The following VPS13B variants were observed in gnomAD, a reference collection of about 807,000 sequenced individuals.
The protein encoded by VPS13B is vacuolar protein sorting 13 homolog B.
VPS13B carries 285 observed loss-of-function variants against 426.4 expected under a neutral mutation model. The ratio of observed to expected loss-of-function variants is 0.67; its 90% CI spans 0.61 to 0.74. The LOEUF is 0.74. Ranked by LOEUF, VPS13B falls within the 30% of genes least tolerant of loss-of-function variation. VPS13B has a pLI of 0.00. For synonymous variants in VPS13B, 1,676 were observed against 1,676.4 expected (o/e 1.00, Z 0.01); for missense variants, 4,537 against 4,782.6 (o/e 0.95, Z 1.51).
intron 33 of VPS13B, among the ~76,000 whole-genome samples, chr8:99,586,019 C>T (rs1009632741): frequency 2.6e-5 from 4 of 152,168 alleles, no homozygotes; most frequent in African/African-American, 7.2e-5. Context: ...TACTTAGCCT[C>T]CTGCTGCCCT....
intron 42 of VPS13B, among the ~76,000 whole-genome samples, chr8:99,783,555 T>C (rs796977467): frequency 6.6e-6 from 1 of 152,188 alleles, no homozygotes; most frequent in South Asian, 2.1e-4. Flanking sequence ...GGAGGCACCA[T>C]TAAATGAGAA....
At chr8:99,473,160 C>G (rs753941497) in intron 24 of VPS13B, among the ~76,000 whole-genome samples, 1 of 151,960 alleles carries the variant, frequency 6.6e-6, no homozygotes, top group African/African-American at 2.4e-5. Flanking sequence ...TTTTATGAAG[C>G]TAGCATAACT....
chr8:99,035,863 C>T (rs945895623), intron 2 of VPS13B, among the ~76,000 whole-genome samples: 6 of 152,074 alleles, frequency 3.9e-5, no homozygotes, highest in Admixed American at 2.0e-4. Flanking sequence ...TGAGAGATAT[C>T]TCATTGTGGT....
intron 17 of VPS13B, among the ~76,000 whole-genome samples, chr8:99,206,102 C>G (rs60932963): frequency 0.02 from 3,067 of 152,020 alleles, 113 homozygotes; most frequent in African/African-American, 0.07. Context: ...TGTCTTTTTG[C>G]GAGAAGATTA....
At chr8:99,432,100 ATTG>A (rs1817145923) in intron 22 of VPS13B, among the ~76,000 whole-genome samples, 1 of 152,000 alleles carries the variant, frequency 6.6e-6, no homozygotes, top group Admixed American at 6.6e-5. Context: ...CTATTTCCTT[ATTG>A]TTATTTTCCT....
chr8:99,053,311 C>T (rs865827853), intron 3 of VPS13B, among the ~76,000 whole-genome samples: 8 of 152,158 alleles, frequency 5.3e-5, no homozygotes, highest in Middle Eastern at 3.4e-3. Flanking sequence ...CCACAACAGT[C>T]CCCATTGTGT....
chr8:99,860,401 C>T (rs531213086), intron 57 of VPS13B, among the ~76,000 whole-genome samples: 5 of 152,252 alleles, frequency 3.3e-5, no homozygotes, highest in Admixed American at 2.6e-4. Flanking sequence ...GAAACTCACC[C>T]CATGAGTCAC....
Position 99,817,673 on chromosome 8 carries a change from A to C in VPS13B, c.8231A>C (p.Gln2744Pro). ...CATTTTGACTGCCTCACAGCCAAAC[A>C]GAAATTGCCTTCGTACATACTAGAA... ...REHFDCLTAK[Q>P]KLPSYILENN... The change falls in exon 45 of 62, where the codon CAG becomes CCG. Residue 2744 changes from glutamine (Q) to proline (P), a missense_variant. Coordinates refer to ENST00000357162, the MANE Select transcript of VPS13B (RefSeq NM_152564.5). The C allele has an allele frequency of 1.2e-6, 2 of 1,614,116 alleles. No homozygotes were observed. The highest frequency in any genetic ancestry group is 1.7e-6 in the Non-Finnish European group (2 of 1,180,000).
intron 3 of VPS13B, 90 bp downstream of exon 3, chr8:99,038,656 A>G (rs1842844198): frequency 9.4e-7 from 1 of 1,065,604 alleles, no homozygotes; most frequent in Non-Finnish European, 1.4e-6. Flanking sequence ...CAACTGTTAC[A>G]TAAACATATC....
intron 17 of VPS13B, among the ~76,000 whole-genome samples, chr8:99,267,538 G>A (rs1818368520): frequency 6.6e-6 from 1 of 151,980 alleles, no homozygotes; most frequent in South Asian, 2.1e-4. Flanking sequence ...GACCATCCTG[G>A]CTAACATGGA....
At chr8:99,487,030 A>G (rs1820344581) in intron 25 of VPS13B, among the ~76,000 whole-genome samples, 1 of 151,960 alleles carries the variant, frequency 6.6e-6, no homozygotes, top group African/African-American at 2.4e-5. Flanking sequence ...AGAGTTTATC[A>G]GAACAGGGAA....
chr8:99,319,819 G>A (rs537117428), intron 19 of VPS13B, among the ~76,000 whole-genome samples: 2 of 152,260 alleles, frequency 1.3e-5, no homozygotes, highest in East Asian at 3.9e-4. Context: ...TTAGTTTCCT[G>A]TCTGGAAAAC....
chr8:99,458,149 T>C (rs1276620220), intron 23 of VPS13B, among the ~76,000 whole-genome samples: 3 of 146,250 alleles, frequency 2.1e-5, no homozygotes, highest in Admixed American at 6.9e-5. Flanking sequence ...TTCCCACCTA[T>C]GAGTGAGAAC....
chr8:99,092,057 GA>G (rs1846178731), intron 3 of VPS13B: 1 of 152,128 alleles, frequency 6.6e-6, no homozygotes, highest in Non-Finnish European at 1.5e-5. Flanking sequence ...ACACTATTGT[GA>G]ATCTGGGAGT....
At chr8:99,374,023 A>T (rs145081721) in intron 19 of VPS13B, among the ~76,000 whole-genome samples, 1 of 152,114 alleles carries the variant, frequency 6.6e-6, no homozygotes, top group Non-Finnish European at 1.5e-5. Flanking sequence ...TTTTGTCTTC[A>T]TCTTTGAAGG....
chr8:99,268,782 G>A (rs1490109619), intron 17 of VPS13B, among the ~76,000 whole-genome samples: 3 of 152,102 alleles, frequency 2.0e-5, no homozygotes, highest in Non-Finnish European at 4.4e-5. Context: ...TTTGAAGCAT[G>A]AGAACATGGG....
chr8:99,645,936 C>A (rs963339198), intron 34 of VPS13B, among the ~76,000 whole-genome samples: 2 of 152,006 alleles, frequency 1.3e-5, no homozygotes, highest in East Asian at 1.9e-4. Context: ...AAGATAGTAA[C>A]CTTAAGGATA....
intron 29 of VPS13B, 46 bp from the exon 30 acceptor site, chr8:99,520,853 T>C: frequency 6.7e-7 from 1 of 1,487,076 alleles, no homozygotes; most frequent in Non-Finnish European, 9.4e-7. Context: ...CATAAAGTTA[T>C]GTACAGATCC....
chr8:99,806,492 T>C (rs1303396054), intron 43 of VPS13B, among the ~76,000 whole-genome samples: 2 of 152,338 alleles, frequency 1.3e-5, no homozygotes, highest in East Asian at 3.9e-4. Flanking sequence ...GACTGCTTCA[T>C]GTTAGTTATT....
Sources: allele counts gnomAD v4.1 joint callset (sites outside exome capture counted in the v4.1 genomes callset), GRCh38; gene constraint gnomAD v4.1.1; transcripts MANE v1.5; gene names NCBI Gene and HGNC (gene_info 2026-07-23, HGNC 2026-07-21).